Variants in ASIC2 observed in about 807,000 individuals in gnomAD.
ASIC2 encodes acid-sensing ion channel 2.
A neutral mutation model predicts 57.3 loss-of-function variants in ASIC2; 25 were observed. The ratio of observed to expected loss-of-function variants is 0.44; its 90% CI spans 0.32 to 0.61. The LOEUF is 0.61. ASIC2 is among the 20% of genes least tolerant of loss of function. ASIC2 has a pLI of 0.06. For missense variants in ASIC2, 641 were observed against 738.1 expected (o/e 0.87, Z 1.52); for synonymous variants, 319 against 307.5 (o/e 1.04, Z -0.39).
intron 1 of ASIC2, among the ~76,000 whole-genome samples, chr17:34,086,907 T>C (rs1386715718): frequency 6.6e-6 from 1 of 152,192 alleles, no homozygotes; most frequent in Non-Finnish European, 1.5e-5. Context: ...TCTTCCTCCA[T>C]CCTTTTATTT....
At chr17:33,448,654 G>A (rs370667187) in intron 1 of ASIC2, among the ~76,000 whole-genome samples, 64 of 152,326 alleles carry the variant, frequency 4.2e-4, no homozygotes, top group African/African-American at 1.5e-3. Flanking sequence ...GGTCCTGTGA[G>A]TCCTGTGACA....
intron 2 of ASIC2, among the ~76,000 whole-genome samples, chr17:33,096,718 G>C (rs937536030): frequency 6.6e-6 from 1 of 152,130 alleles, no homozygotes; most frequent in African/African-American, 2.4e-5. Context: ...GGTGTGGCTC[G>C]CTTGGTTGGG....
intron 1 of ASIC2, among the ~76,000 whole-genome samples, chr17:34,067,771 A>G (rs1909226418): frequency 6.6e-6 from 1 of 152,210 alleles, no homozygotes; most frequent in Non-Finnish European, 1.5e-5. Flanking sequence ...CATCCATGAT[A>G]TGTTTTTAAA....
chr17:33,609,086 GTACT>G (rs1356468328), intron 1 of ASIC2, among the ~76,000 whole-genome samples: 1 of 152,156 alleles, frequency 6.6e-6, no homozygotes, highest in African/African-American at 2.4e-5. Flanking sequence ...TTCACTCTAT[GTACT>G]TACTTCTCCC....
At chr17:33,765,858 C>A (rs529892751) in intron 1 of ASIC2, among the ~76,000 whole-genome samples, 1 of 152,216 alleles carries the variant, frequency 6.6e-6, no homozygotes, top group Admixed American at 6.5e-5. Context: ...CCGTGGGCTC[C>A]GCTGTACCGC....
At chr17:34,005,836 G>A (rs147704526) in intron 1 of ASIC2, 124 of 152,368 alleles carry the variant, frequency 8.1e-4, no homozygotes, top group African/African-American at 2.8e-3. Flanking sequence ...ATACTCAACT[G>A]TGGCCATCTC....
At chr17:33,245,902 A>G (rs967000256) in intron 1 of ASIC2, among the ~76,000 whole-genome samples, 53 of 151,802 alleles carry the variant, frequency 3.5e-4, no homozygotes, top group African/African-American at 1.2e-3. Context: ...TTTTAAAAGC[A>G]CTCTGGGCCA....
At chr17:33,352,385 C>G (rs954164078) in intron 1 of ASIC2, among the ~76,000 whole-genome samples, 50 of 152,218 alleles carry the variant, frequency 3.3e-4, no homozygotes, top group Middle Eastern at 3.4e-3. Flanking sequence ...CCCATTACCC[C>G]CCAAGGCTGC....
chr17:33,056,663 G>A (rs1383598436), intron 3 of ASIC2, among the ~76,000 whole-genome samples: 3 of 152,182 alleles, frequency 2.0e-5, no homozygotes, highest in Non-Finnish European at 2.9e-5. Context: ...ACCAGGAATC[G>A]ATACAGTTCC....
intron 1 of ASIC2, among the ~76,000 whole-genome samples, chr17:33,579,225 G>A (rs1319672737): frequency 6.7e-6 from 1 of 149,046 alleles, no homozygotes; most frequent in African/African-American, 2.5e-5. Context: ...GGCAGAGGTT[G>A]CAGTGAGCCA....
chr17:33,800,743 T>C (rs1443995124), intron 1 of ASIC2, among the ~76,000 whole-genome samples: 1 of 152,194 alleles, frequency 6.6e-6, no homozygotes, highest in African/African-American at 2.4e-5. Flanking sequence ...AGTATTATAG[T>C]GATAGCAATA....
chr17:33,396,557 T>C lies in ASIC2; in HGVS notation c.556-284490A>G, dbSNP rs1020110461. 3.3e-5 allele frequency among the ~76,000 whole-genome samples: 5 copies of C among 152,158 alleles called. No homozygotes were observed. The South Asian group carries it at 1.0e-3, about 32-fold the overall frequency. ...TGGTGGTGCTGGGCTGGGACCTAGG[T>C]CTTTGTGACTTCAAAGCTCATACTC... On this transcript the variant is annotated intron_variant, in intron 1 of 9. Transcript: ENST00000359872.
At chr17:33,957,208 G>A (rs1904764154) in intron 1 of ASIC2, among the ~76,000 whole-genome samples, 1 of 152,194 alleles carries the variant, frequency 6.6e-6, no homozygotes. Context: ...TGACCCAGAT[G>A]CTACAACTAT....
chr17:33,811,989 C>T (rs1912435898), intron 1 of ASIC2, among the ~76,000 whole-genome samples: 2 of 152,180 alleles, frequency 1.3e-5, no homozygotes, highest in Admixed American at 6.5e-5. Flanking sequence ...CTCCCTGGCC[C>T]TCTGAATATT....
chr17:33,362,599 A>G (rs1567836060), intron 1 of ASIC2, among the ~76,000 whole-genome samples: 1 of 152,216 alleles, frequency 6.6e-6, no homozygotes, highest in Non-Finnish European at 1.5e-5. Flanking sequence ...CCCTCTTGAA[A>G]CGGTGGTGAC....
chr17:34,071,225 A>C (rs1483722933), intron 1 of ASIC2: 1 of 152,140 alleles, frequency 6.6e-6, no homozygotes, highest in Non-Finnish European at 1.5e-5. Flanking sequence ...GAGATAGTCT[A>C]GGGGCCGCAG....
Position 34,099,384 on chromosome 17 carries a change from GAA to G in ASIC2, c.555+56592_555+56593del, listed in dbSNP as rs1447258716. ...GAAGGAAGGAAAGAAAGAAAAAAGA[GAA>G]AGAGGAAAAAAGAGAGGAAGGAAGG... On this transcript the variant is annotated intron_variant, in intron 1 of 9. Coordinates refer to the ASIC2 transcript ENST00000359872. Among the ~76,000 whole-genome samples, 11 of 132,166 alleles carry G rather than the reference GAA, an allele frequency of 8.3e-5. No individual in the cohort carries two copies. In the East Asian group the frequency reaches 2.2e-3, roughly 27 times the overall value. 86.7% of individuals were successfully genotyped at this position (132,166 alleles called of 152,430 possible).
At chr17:34,041,529 T>C (rs1418757412) in intron 1 of ASIC2, 1 of 152,228 alleles carries the variant, frequency 6.6e-6, no homozygotes, top group Admixed American at 6.5e-5. Context: ...CTCCGAGACC[T>C]TGGGAAATTG....
intron 1 of ASIC2, among the ~76,000 whole-genome samples, chr17:33,117,139 C>T (rs2092284350): frequency 6.6e-6 from 1 of 152,004 alleles, no homozygotes; most frequent in Non-Finnish European, 1.5e-5. Flanking sequence ...CAGGCATGAG[C>T]CACAGTGCCT....
Sources: allele counts gnomAD v4.1 joint callset (sites outside exome capture counted in the v4.1 genomes callset), GRCh38; gene constraint gnomAD v4.1.1; transcripts MANE v1.5; gene names NCBI Gene and HGNC (gene_info 2026-07-23, HGNC 2026-07-21).